KIT: variants seen among roughly 807,000 people sequenced by gnomAD.
KIT encodes mast/stem cell growth factor receptor Kit.
KIT carries 16 observed loss-of-function variants against 105.7 expected under a neutral mutation model. The observed-to-expected ratio is 0.15, with a 90% CI of 0.10 to 0.23. The LOEUF (loss-of-function observed/expected upper bound fraction) is 0.23, where lower values mean the gene tolerates loss of function less well. Ranked by LOEUF, KIT falls within the 10% of genes least tolerant of loss-of-function variation. The pLI is 1.00. For synonymous variants in KIT, 438 were observed against 441.1 expected (o/e 0.99, Z 0.09); for missense variants, 858 against 1,213.8 (o/e 0.71, Z 4.36).
chr4:54,658,266 GC>G (rs1177068458), intron 1 of KIT, among the ~76,000 whole-genome samples, 185 bp downstream of exon 1: 5 of 152,082 alleles, frequency 3.3e-5, no homozygotes, highest in African/African-American at 9.7e-5. Flanking sequence ...GCTCACCTGC[GC>G]GAGGAGACCC....
chr4:54,695,425 C>T, intron 1 of KIT, 87 bp from the exon 2 acceptor site: 3 of 1,382,878 alleles, frequency 2.2e-6, no homozygotes, highest in South Asian at 2.4e-5. Context: ...GTAGAGTACA[C>T]AGAAGATGGA....
chr4:54,733,043 G>A (rs1445774623), intron 16 of KIT, 27 bp from the exon 17 acceptor site: 1 of 1,601,876 alleles, frequency 6.2e-7, no homozygotes, highest in Non-Finnish European at 8.5e-7. Context: ...AATTTAAATG[G>A]TTTTCTTTTC....
At chr4:54,735,024 G>A (rs1227131351) in intron 17 of KIT, among the ~76,000 whole-genome samples, 1 of 152,086 alleles carries the variant, frequency 6.6e-6, no homozygotes, top group Non-Finnish European at 1.5e-5. Flanking sequence ...TGTAATTTTA[G>A]AGTGGTGATT....
At position 54,738,463 on chromosome 4, in the gene KIT, G is replaced by A. The variant is rs779103998; in HGVS notation, c.2837G>A (p.Arg946Gln). ...AACTTAGCAAACTGCAGCCCCAACC[G>A]ACAGAAGCCCGTGGTAGACCATTCT... is the stretch of plus-strand genomic sequence containing the variant. Reference protein sequence around the residue: ...YSNLANCSPNRQKPVVDHSVR... With the variant: ...YSNLANCSPNQQKPVVDHSVR... Residue 946 changes from arginine to glutamine, a missense_variant, in exon 21 of 21, where the codon CGA becomes CAA. This residue lies in a region of KIT where 105 missense variants were observed against 103.5 expected (regional missense o/e 1.01). Coordinates refer to ENST00000288135, the MANE Select transcript of KIT (RefSeq NM_000222.3). 14 of 1,613,948 alleles carry A rather than the reference G, an allele frequency of 8.7e-6. No individual in the cohort carries two copies. Among genetic ancestry groups the A allele is most frequent in the East Asian group, 4.5e-5 (2 of 44,870 alleles).
At chr4:54,719,803 G>C (rs1721747723) in intron 7 of KIT, among the ~76,000 whole-genome samples, 1 of 152,132 alleles carries the variant, frequency 6.6e-6, no homozygotes, top group Admixed American at 6.5e-5. Context: ...AAATGCAGAT[G>C]AGCCCAGATT....
In KIT at chr4:54,709,442, T is replaced by C. The variant is rs1165318642; in HGVS notation, c.1134T>C (p.His378=). The C allele has an allele frequency of 6.2e-7, 1 of 1,611,622 alleles. No homozygotes were observed. Among genetic ancestry groups the C allele is most frequent in the Non-Finnish European group, 8.5e-7 (1 of 1,177,696 alleles). Residue 378 remains histidine (H), a synonymous_variant, in exon 7 of 21, where the codon CAT becomes CAC. Transcript: ENST00000288135. ...ESNIRYVSEL[H]LTRLKGTEGG... ...TTTGTAGATACGTAAGTGAACTTCA[T>C]CTAACGAGATTAAAAGGCACCGAAG...
chr4:54,698,231 T>C, intron 2 of KIT, 53 bp from the exon 3 acceptor site: 2 of 1,544,746 alleles, frequency 1.3e-6, no homozygotes, highest in Non-Finnish European at 1.8e-6. Context: ...AAAAGTGTTT[T>C]CAGTGTCTGT....
At chr4:54,721,284 G>T (rs1721852566) in intron 7 of KIT, among the ~76,000 whole-genome samples, 1 of 152,180 alleles carries the variant, frequency 6.6e-6, no homozygotes, top group Non-Finnish European at 1.5e-5. Context: ...AGAAAAGGAG[G>T]TGACACTTAA....
intron 1 of KIT, among the ~76,000 whole-genome samples, chr4:54,663,813 C>T (rs897189639): frequency 3.9e-5 from 6 of 152,106 alleles, no homozygotes; most frequent in East Asian, 1.9e-4. Flanking sequence ...CTAGACACAG[C>T]GGTTAGTGTT....
chr4:54,738,066 G>A (rs922576797), intron 20 of KIT, among the ~76,000 whole-genome samples: 3 of 152,160 alleles, frequency 2.0e-5, no homozygotes, highest in Admixed American at 1.3e-4. Context: ...CCCTGGAAGG[G>A]CCGTGGGTTT....
chr4:54,682,401 T>G (rs548611998), intron 1 of KIT, among the ~76,000 whole-genome samples: 150 of 152,218 alleles, frequency 9.9e-4, no homozygotes, highest in African/African-American at 3.5e-3. Flanking sequence ...GCACTGAATT[T>G]TTATTAATGT....
intron 1 of KIT, among the ~76,000 whole-genome samples, chr4:54,665,622 G>T (rs1432206999): frequency 1.3e-5 from 2 of 152,210 alleles, no homozygotes; most frequent in East Asian, 3.9e-4. Flanking sequence ...ATTATCATGG[G>T]TGTAGGTAAC....
chr4:54,712,143 CT>C (rs1197804660), intron 7 of KIT, among the ~76,000 whole-genome samples: 1 of 152,154 alleles, frequency 6.6e-6, no homozygotes, highest in Non-Finnish European at 1.5e-5. Flanking sequence ...TGTTAAAAGA[CT>C]TTCTTTTCTA....
rs551832318 is a variant in KIT, at chr4:54,740,521, G to A, written c.*1964G>A. On this transcript the variant is annotated 3_prime_UTR_variant, in exon 21 of 21. Coordinates refer to ENST00000288135, the MANE Select transcript of KIT (RefSeq NM_000222.3). ...CTTTTTTTGTAAATATTGAAATGTA[G>A]CAATAATGTCTTTTGAATATTCCCA... 8.6e-6 allele frequency: 2 copies of A among 232,624 alleles called. No individual in the cohort carries two copies. The highest frequency in any genetic ancestry group is 6.1e-5 in the East Asian group (1 of 16,374). The allele number at this position is 232,624 out of a possible 1,614,324, so 14.4% of individuals were successfully genotyped here.
chr4:54,670,321 G>A (rs1273852940), intron 1 of KIT, among the ~76,000 whole-genome samples: 3 of 152,074 alleles, frequency 2.0e-5, no homozygotes, highest in East Asian at 3.8e-4. Context: ...AAATATGACC[G>A]AACTCCTAAC....
chr4:54,734,365 T>C (rs1248997715), intron 17 of KIT, among the ~76,000 whole-genome samples: 1 of 152,230 alleles, frequency 6.6e-6, no homozygotes, highest in Admixed American at 6.5e-5. Flanking sequence ...TTGGGAATAA[T>C]AGTGATTCCT....
At chr4:54,658,503 G>T (rs1428358548) in intron 1 of KIT, among the ~76,000 whole-genome samples, 1 of 152,148 alleles carries the variant, frequency 6.6e-6, no homozygotes, top group Admixed American at 6.5e-5. Flanking sequence ...TTGCGTGTGT[G>T]TGACCGGCGC....
intron 1 of KIT, among the ~76,000 whole-genome samples, chr4:54,664,497 T>G (rs1409038332): frequency 3.3e-5 from 5 of 152,192 alleles, no homozygotes; most frequent in African/African-American, 1.2e-4. Flanking sequence ...TCCAATAGTC[T>G]GACGAAGCGA....
chr4:54,694,571 C>T (rs547022659), intron 1 of KIT, among the ~76,000 whole-genome samples: 3 of 152,092 alleles, frequency 2.0e-5, no homozygotes, highest in Middle Eastern at 3.4e-3. Flanking sequence ...GCGGTGGGGG[C>T]GTCTCACTGC....
Sources: gnomAD v4.1 joint callset for allele counts (sites outside exome capture counted in the v4.1 genomes callset) on GRCh38, gnomAD v4.1.1 for gene constraint, gnomAD v4.1.1 regional missense constraint, MANE v1.5 for transcripts, NCBI Gene and HGNC (gene_info 2026-07-23, HGNC 2026-07-21) for gene names.